KLHL1: variants seen among roughly 807,000 people sequenced by gnomAD.
KLHL1 encodes kelch like family member 1, also known as kelch-like protein 1.
Under a neutral mutation model 77.7 loss-of-function variants are expected in KLHL1, and 47 were observed. That is an observed-to-expected ratio of 0.60 (90% CI 0.48 to 0.77). KLHL1 has a LOEUF of 0.77. Ranked by LOEUF, KLHL1 falls within the 30% of genes least tolerant of loss-of-function variation. The probability of loss-of-function intolerance (pLI) is 0.00; values close to 1 mark genes in which losing one functional copy is unlikely to be tolerated. For synonymous variants in KLHL1, 360 were observed against 325.2 expected (o/e 1.11, Z -1.15); for missense variants, 925 against 910.8 (o/e 1.02, Z -0.20).
intron 1 of KLHL1, among the ~76,000 whole-genome samples, chr13:69,976,677 A>T (rs1884553669): frequency 6.6e-6 from 1 of 152,098 alleles, no homozygotes; most frequent in Admixed American, 6.6e-5. Flanking sequence ...ACTTCATGAT[A>T]AATATCTTAG....
At position 69,764,929 on chromosome 13, in the gene KLHL1, C is replaced by CTTTTTT. The variant is rs71196263; in HGVS notation, c.1640-24379_1640-24374dup. ...TCTCATGCTTTCATGTATATCTTTG[C>CTTTTTT]TTTTTTTTTTTTTTTTTTTTTTTTT... is the stretch of plus-strand genomic sequence containing the variant. On this transcript the variant is annotated intron_variant, in intron 7 of 10. Transcript: ENST00000377844. Among the ~76,000 whole-genome samples, 380 of 39,720 alleles carry CTTTTTT rather than the reference C, an allele frequency of 9.6e-3. 154 individuals are homozygous for CTTTTTT. The highest frequency in any genetic ancestry group is 0.015 in the Admixed American group (33 of 2,174). 26.1% of individuals were successfully genotyped at this position (39,720 alleles called of 152,430 possible).
chr13:69,796,784 C>G lies in KLHL1; in HGVS notation c.1593G>C (p.Lys531Asn). Residue 531 changes from lysine to asparagine, a missense_variant, in exon 7 of 11, where the codon AAG (lysine) becomes AAC (asparagine). Coordinates refer to ENST00000377844, the MANE Select transcript of KLHL1 (RefSeq NM_020866.3). ...NTVECYNPKT[K>N]TWTVLPPMST... Reference sequence around the variant, plus strand: ...ACATTGGTGGTAAGACAGTCCATGTCTTGGTTTTGGGATTGTAACATTCAA... The same window carrying G: ...ACATTGGTGGTAAGACAGTCCATGTGTTGGTTTTGGGATTGTAACATTCAA... 1 of 1,614,070 alleles carries G rather than the reference C, an allele frequency of 6.2e-7. No individual in the cohort carries two copies. The highest frequency in any genetic ancestry group is 1.1e-5 in the South Asian group (1 of 91,072).
At chr13:69,797,412 TC>T (rs1348467247) in intron 6 of KLHL1, among the ~76,000 whole-genome samples, 5 of 152,248 alleles carry the variant, frequency 3.3e-5, no homozygotes, top group Admixed American at 6.5e-5. Flanking sequence ...ACCATGTTTT[TC>T]TTTAAATTTG....
At chr13:70,042,664 T>C (rs545429839) in intron 1 of KLHL1, among the ~76,000 whole-genome samples, 1 of 152,328 alleles carries the variant, frequency 6.6e-6, no homozygotes, top group African/African-American at 2.4e-5. Flanking sequence ...AATGACTATG[T>C]CACTATTTGA....
At chr13:69,779,567 G>T (rs1390931685) in intron 7 of KLHL1, among the ~76,000 whole-genome samples, 1 of 150,256 alleles carries the variant, frequency 6.7e-6, no homozygotes, top group Admixed American at 6.6e-5. Context: ...TACTAATGGT[G>T]TCTATATTTC....
chr13:69,932,770 CAA>C (rs907958690), intron 4 of KLHL1, among the ~76,000 whole-genome samples: 84 of 151,716 alleles, frequency 5.5e-4, no homozygotes, highest in African/African-American at 2.0e-3. Flanking sequence ...TAGAATAAAA[CAA>C]AAATATGCAA....
intron 2 of KLHL1, among the ~76,000 whole-genome samples, chr13:69,962,717 GA>G (rs1884103817): frequency 6.6e-6 from 1 of 151,966 alleles, no homozygotes; most frequent in Non-Finnish European, 1.5e-5. Context: ...GTATAATTAT[GA>G]GATGAATAAA....
At chr13:70,069,097 G>A (rs1887080227) in intron 1 of KLHL1, among the ~76,000 whole-genome samples, 1 of 152,112 alleles carries the variant, frequency 6.6e-6, no homozygotes, top group Admixed American at 6.5e-5. Context: ...TTGACCTGAA[G>A]GAAGTGAAAA....
In KLHL1 at chr13:70,107,807, C is replaced by T; in HGVS notation, c.-108G>A. 1 of 796,442 alleles carries T rather than the reference C, an allele frequency of 1.3e-6. No homozygotes were observed. The highest frequency in any genetic ancestry group is 1.9e-5 in the South Asian group (1 of 53,110). 49.3% of individuals were successfully genotyped at this position (796,442 alleles called of 1,614,324 possible). A position where few individuals can be genotyped will look rare whatever the true frequency, so the allele number is the denominator to read the frequency against. ...GGGCGGAGGAAGAGGCGGGATGCGC[C>T]CTCTGCACCCCTAGAGCCAGAAGAC... On this transcript the variant is annotated 5_prime_UTR_variant, in exon 1 of 11. Coordinates refer to ENST00000377844, the MANE Select transcript of KLHL1 (RefSeq NM_020866.3).
Position 69,796,769 on chromosome 13 carries a change from T to C in KLHL1, c.1608A>G (p.Leu536=). The part of the protein sequence containing the change: ...YNPKTKTWTV[L]PPMSTHRHGL... ...CATGTCTGTGTGTTGACATTGGTGG[T>C]AAGACAGTCCATGTCTTGGTTTTGG... Residue 536 remains leucine (L), a synonymous_variant, in exon 7 of 11, where the codon TTA becomes TTG. Coordinates refer to ENST00000377844, the MANE Select transcript of KLHL1 (RefSeq NM_020866.3). 3 of 1,613,566 alleles carry C rather than the reference T, an allele frequency of 1.9e-6. No homozygotes were observed. Among genetic ancestry groups the C allele is most frequent in the Non-Finnish European group, 2.5e-6 (3 of 1,179,448 alleles).
intron 8 of KLHL1, among the ~76,000 whole-genome samples, chr13:69,725,230 CA>C: frequency 6.6e-6 from 1 of 152,272 alleles, no homozygotes; most frequent in East Asian, 1.9e-4. Flanking sequence ...TTATGAAAAA[CA>C]GTCACCAGTA....
At chr13:70,026,196 A>C (rs1054715197) in intron 1 of KLHL1, among the ~76,000 whole-genome samples, 2 of 152,290 alleles carry the variant, frequency 1.3e-5, no homozygotes, top group East Asian at 3.9e-4. Context: ...AGGGCTCCAC[A>C]CAGAAATTTA....
rs575692784 is a variant in KLHL1, at chr13:69,866,988, C to T, written c.1227+15295G>A. ...TATATTTAATTTGTGTTTAATCTGT[C>T]TAAATATTGGACAATATTAACTCTA... is the stretch of plus-strand genomic sequence containing the variant. On this transcript the variant is annotated intron_variant, in intron 5 of 10. Transcript: ENST00000377844. Among the ~76,000 whole-genome samples, 14 of 152,108 alleles carry T rather than the reference C, an allele frequency of 9.2e-5. No individual in the cohort carries two copies. The South Asian group carries it at 2.7e-3, about 29-fold the overall frequency.
intron 1 of KLHL1, among the ~76,000 whole-genome samples, chr13:70,022,844 G>A (rs1885839052): frequency 6.6e-6 from 1 of 151,886 alleles, no homozygotes; most frequent in African/African-American, 2.4e-5. Context: ...TTGATGCATA[G>A]TTTATAAGGC....
intron 1 of KLHL1, among the ~76,000 whole-genome samples, chr13:70,079,723 GA>G (rs2137428314): frequency 6.6e-6 from 1 of 152,188 alleles, no homozygotes; most frequent in South Asian, 2.1e-4. Context: ...ACAACCCAGT[GA>G]ACTAGGTAAT....
chr13:70,000,530 T>A (rs1366410284), intron 1 of KLHL1, among the ~76,000 whole-genome samples: 2 of 151,952 alleles, frequency 1.3e-5, no homozygotes, highest in Non-Finnish European at 2.9e-5. Context: ...TGATTGATCT[T>A]TTCACACGTA....
chr13:69,977,831 C>T lies in KLHL1; in HGVS notation c.498-2029G>A, dbSNP rs539459740. ...AACATTATTTTTGAATAAGAAAATA[C>T]GTAATTGATATTATTTCCAGAAGAT... On this transcript the variant is annotated intron_variant, in intron 1 of 10. Transcript: ENST00000377844. Among the ~76,000 whole-genome samples the T allele has an allele frequency of 2.0e-4, 31 of 152,094 alleles. No individual in the cohort carries two copies. The East Asian group carries it at 4.4e-3, about 22-fold the overall frequency.
chr13:69,727,373 C>T (rs912309796), intron 8 of KLHL1, among the ~76,000 whole-genome samples: 3 of 151,890 alleles, frequency 2.0e-5, no homozygotes, highest in African/African-American at 7.3e-5. Flanking sequence ...GAATATTGAG[C>T]AGGAAACTAA....
chr13:69,959,702 T>C (rs1195834651), intron 3 of KLHL1, among the ~76,000 whole-genome samples: 1 of 151,836 alleles, frequency 6.6e-6, no homozygotes, highest in African/African-American at 2.4e-5. Context: ...ATCTTTGAAA[T>C]GTAAACATCA....
Sources: gnomAD v4.1 joint callset for allele counts (sites outside exome capture counted in the v4.1 genomes callset) on GRCh38, gnomAD v4.1.1 for gene constraint, MANE v1.5 for transcripts, NCBI Gene and HGNC (gene_info 2026-07-23, HGNC 2026-07-21) for gene names.